INSR: variants seen among roughly 807,000 people sequenced by gnomAD.
INSR encodes insulin receptor.
INSR carries 67 observed loss-of-function variants against 142.6 expected under a neutral mutation model. The ratio of observed to expected loss-of-function variants is 0.47; its 90% CI spans 0.39 to 0.58. INSR has a LOEUF of 0.58. INSR is among the 20% of genes least tolerant of loss of function. The probability of loss-of-function intolerance (pLI) is 0.00; values close to 1 mark genes in which losing one functional copy is unlikely to be tolerated. For synonymous variants in INSR, 756 were observed against 743.1 expected, an observed-to-expected ratio of 1.02 and a Z score of -0.28; for missense variants, 1,248 against 1,833.2, an observed-to-expected ratio of 0.68 and a Z score of 5.83.
chr19:7,223,350 C>G (rs1467939915), intron 2 of INSR, among the ~76,000 whole-genome samples: 1 of 152,158 alleles, frequency 6.6e-6, no homozygotes, highest in East Asian at 1.9e-4. Context: ...CACAAGGGAG[C>G]ATTTTTGGAG....
chr19:7,262,046 C>T (rs1004448065), intron 2 of INSR, among the ~76,000 whole-genome samples: 2 of 152,150 alleles, frequency 1.3e-5, no homozygotes, highest in Admixed American at 1.3e-4. Context: ...ACAGAAGTAT[C>T]TGAAAAGACT....
chr19:7,252,279 G>T (rs926626064), intron 2 of INSR, among the ~76,000 whole-genome samples: 1 of 152,062 alleles, frequency 6.6e-6, no homozygotes, highest in Non-Finnish European at 1.5e-5. Flanking sequence ...AGGCGTGGTG[G>T]TGTTCACCTA....
Position 7,152,749 on chromosome 19 carries a change from C to T in INSR, c.2208G>A (p.Leu736=). The T allele has an allele frequency of 6.2e-7, 1 of 1,612,938 alleles. No individual in the cohort carries two copies. Reference sequence around the variant, plus strand: ...ACCTGGGGACGAAAACCACGTTGTGCAGGTAATCCTCAAACGTCTTCCTAA... The same window carrying T: ...ACCTGGGGACGAAAACCACGTTGTGTAGGTAATCCTCAAACGTCTTCCTAA... ...SSFRKTFEDY[L]HNVVFVPRKT... The change falls in exon 10 of 22, where the codon CTG becomes CTA. Residue 736 remains leucine (L), a synonymous_variant. Coordinates refer to ENST00000302850, the MANE Select transcript of INSR (RefSeq NM_000208.4).
At chr19:7,137,966 C>CAT (rs1972977731) in intron 13 of INSR, among the ~76,000 whole-genome samples, 1 of 133,750 alleles carries the variant, frequency 7.5e-6, no homozygotes. Flanking sequence ...TTTTCTTTTT[C>CAT]TTTTTTTTTT....
chr19:7,243,234 G>GTTTTTTGTTT (rs1976417600), intron 2 of INSR, among the ~76,000 whole-genome samples: 1 of 68,178 alleles, frequency 1.5e-5, no homozygotes, highest in African/African-American at 6.0e-5. Context: ...CACTGTTTTG[G>GTTTTTTGTTT]TTTTTTTTTT....
intron 2 of INSR, among the ~76,000 whole-genome samples, chr19:7,231,776 T>TC (rs980551830): frequency 1.1e-3 from 26 of 23,606 alleles, no homozygotes; most frequent in Admixed American, 2.7e-3. Flanking sequence ...TTTCTGTCTC[T>TC]TTTTTTTTTT....
At position 7,267,908 on chromosome 19, in the gene INSR, A is replaced by G. The variant is rs530760355; in HGVS notation, c.101-12T>C. 1.2e-6 allele frequency: 2 copies of G among 1,611,128 alleles called. No individual in the cohort carries two copies. Among genetic ancestry groups the G allele is most frequent in the Non-Finnish European group, 1.7e-6 (2 of 1,178,354 alleles). On this transcript the variant is annotated splice_polypyrimidine_tract_variant and intron_variant, in intron 1 of 21. Transcript: ENST00000302850. This position sits in a 1 kb window ranked among gnomAD's most constrained non-coding sequence, Gnocchi z 6.3. ...CATGCCGGGACACACTACAAGAGAA[A>G]ATGAACAGAAAGCAAGACAGGTGAG...
Position 7,172,331 on chromosome 19 carries a change from G to A in INSR, c.1227C>T (p.Phe409=). The part of the protein sequence containing the change: ...RSYALVSLSF[F]RKLRLIRGET... ...CTCCTCGAATCAGACGTAACTTCCG[G>A]AAGAAGGAAAGTGACACCAGAGCGT... The change falls in exon 5 of 22, where the codon TTC becomes TTT. Residue 409 remains phenylalanine (F), a synonymous_variant. Coordinates refer to ENST00000302850, the MANE Select transcript of INSR (RefSeq NM_000208.4). The A allele has an allele frequency of 6.2e-7, 1 of 1,614,136 alleles. No individual in the cohort carries two copies. Among genetic ancestry groups the A allele is most frequent in the Non-Finnish European group, 8.5e-7 (1 of 1,180,028 alleles).
chr19:7,191,570 T>C (rs999870414), intron 2 of INSR, among the ~76,000 whole-genome samples: 4 of 152,122 alleles, frequency 2.6e-5, no homozygotes, highest in Middle Eastern at 3.4e-3. Context: ...GTGCATGTAA[T>C]GGCACTTTGG....
chr19:7,274,736 C>T (rs1390694250), intron 1 of INSR, among the ~76,000 whole-genome samples: 1 of 146,648 alleles, frequency 6.8e-6, no homozygotes, highest in Non-Finnish European at 1.5e-5. Context: ...ACCCAGGAGG[C>T]GGAGCTTGCA....
chr19:7,292,704 C>T (rs1600140089), intron 1 of INSR, among the ~76,000 whole-genome samples: 1 of 152,272 alleles, frequency 6.6e-6, no homozygotes, highest in East Asian at 1.9e-4. Flanking sequence ...GCCTCAGACC[C>T]CACAGTGGGA....
intron 11 of INSR, among the ~76,000 whole-genome samples, chr19:7,145,050 T>A (rs1049951671): frequency 2.0e-5 from 3 of 152,116 alleles, no homozygotes; most frequent in Non-Finnish European, 4.4e-5. Context: ...TATTACTGAG[T>A]GTGACTTCAT....
At position 7,126,693 on chromosome 19, in the gene INSR, G is replaced by A. The variant is rs746656202; in HGVS notation, c.2946-42C>T. 3 of 1,533,116 alleles carry A rather than the reference G, an allele frequency of 2.0e-6. No homozygotes were observed. The South Asian group carries it at 3.6e-5, about 18-fold the overall frequency. 95.0% of individuals were successfully genotyped at this position (1,533,116 alleles called of 1,614,324 possible). Reference sequence around the variant, plus strand: ...AGGCACGTTAGCTTGAGATTCTCATGGGACTCTGCAGAAAGGTGTTTCATA... The same window carrying A: ...AGGCACGTTAGCTTGAGATTCTCATAGGACTCTGCAGAAAGGTGTTTCATA... On this transcript the variant is annotated intron_variant, in intron 15 of 21. Transcript: ENST00000302850.
intron 9 of INSR, among the ~76,000 whole-genome samples, chr19:7,153,377 C>CT (rs1555741045): frequency 2.1e-5 from 1 of 48,498 alleles, no homozygotes; most frequent in Non-Finnish European, 4.0e-5. Context: ...CCACACACAC[C>CT]ATACACGCAC....
intron 2 of INSR, among the ~76,000 whole-genome samples, chr19:7,229,475 T>A (rs1273281149): frequency 1.3e-5 from 2 of 152,146 alleles, no homozygotes; most frequent in African/African-American, 4.8e-5. Context: ...TCACAAAACA[T>A]TTCTAAGAAC....
chr19:7,129,923 G>A (rs1422035641), intron 14 of INSR, among the ~76,000 whole-genome samples: 1 of 151,946 alleles, frequency 6.6e-6, no homozygotes, highest in Non-Finnish European at 1.5e-5. Context: ...TTTTTTTGTG[G>A]AGACAGAGTC....
chr19:7,196,217 G>A (rs924228451), intron 2 of INSR, among the ~76,000 whole-genome samples: 2 of 152,282 alleles, frequency 1.3e-5, no homozygotes, highest in East Asian at 1.9e-4. Context: ...TTACAGGCAT[G>A]AGCCACCACG....
chr19:7,284,866 A>T (rs1568238617), intron 1 of INSR, among the ~76,000 whole-genome samples: 2 of 152,162 alleles, frequency 1.3e-5, no homozygotes, highest in Non-Finnish European at 2.9e-5. Flanking sequence ...TATGAATCTG[A>T]CGCATAAGGG....
At chr19:7,206,068 C>T (rs1975097657) in intron 2 of INSR, among the ~76,000 whole-genome samples, 6 of 152,156 alleles carry the variant, frequency 3.9e-5, no homozygotes, top group Admixed American at 3.9e-4. Context: ...GTACCTTGGG[C>T]TGACTTGAAT....
Sources: allele counts gnomAD v4.1 joint callset (sites outside exome capture counted in the v4.1 genomes callset), GRCh38; gene constraint gnomAD v4.1.1; non-coding constraint Gnocchi (gnomAD v3.1); transcripts MANE v1.5; gene names NCBI Gene and HGNC (gene_info 2026-07-23, HGNC 2026-07-21).